The following UVRAG variants were observed in gnomAD, a reference collection of about 807,000 sequenced individuals.
The protein encoded by UVRAG is UV radiation resistance-associated gene protein.
UVRAG carries 19 observed loss-of-function variants against 78.0 expected under a neutral mutation model. The observed-to-expected ratio is 0.24, with a 90% CI of 0.17 to 0.36. The LOEUF (loss-of-function observed/expected upper bound fraction) is 0.36, where lower values mean the gene tolerates loss of function less well. Among genes scored for constraint, UVRAG ranks in the 10% least tolerant of loss-of-function variants. The probability of loss-of-function intolerance (pLI) is 1.00; values close to 1 mark genes in which losing one functional copy is unlikely to be tolerated. For synonymous variants in UVRAG, 323 were observed against 324.6 expected, an observed-to-expected ratio of 1.00 and a Z score of 0.05; for missense variants, 740 against 853.8, an observed-to-expected ratio of 0.87 and a Z score of 1.66.
intron 13 of UVRAG, among the ~76,000 whole-genome samples, chr11:76,112,730 CTTT>C (rs10686022): frequency 1.4e-5 from 2 of 139,390 alleles, no homozygotes; most frequent in African/African-American, 2.8e-5. Flanking sequence ...TTTTTCTTTT[CTTT>C]TTTTTTTTTT....
intron 5 of UVRAG, chr11:75,892,527 C>A: frequency 1.9e-6 from 1 of 540,058 alleles, no homozygotes; most frequent in Non-Finnish European, 2.4e-6. Context: ...AGGAAGTTGG[C>A]ACAGAGAACT....
intron 8 of UVRAG, among the ~76,000 whole-genome samples, chr11:75,989,210 A>G (rs932229628): frequency 6.6e-5 from 10 of 152,004 alleles, no homozygotes; most frequent in Non-Finnish European, 5.9e-5. Flanking sequence ...GTGTACCACC[A>G]CGCCTGGGTA....
chr11:75,995,179 GTT>G (rs576218071), intron 8 of UVRAG, among the ~76,000 whole-genome samples: 2 of 140,722 alleles, frequency 1.4e-5, no homozygotes. Context: ...TTTTATAAAA[GTT>G]TTTTTTTTTT....
At chr11:76,094,374 A>T (rs909797917) in intron 13 of UVRAG, among the ~76,000 whole-genome samples, 3 of 152,206 alleles carry the variant, frequency 2.0e-5, no homozygotes, top group Non-Finnish European at 4.4e-5. Flanking sequence ...TGGCCTCATA[A>T]AATGAGTTAG....
At chr11:75,969,070 G>C (rs570814984) in intron 7 of UVRAG, among the ~76,000 whole-genome samples, 13 of 152,206 alleles carry the variant, frequency 8.5e-5, no homozygotes, top group African/African-American at 3.1e-4. Context: ...AGAATGTCAT[G>C]CAACCATTAT....
chr11:76,051,730 A>T (rs1950872982), intron 12 of UVRAG, among the ~76,000 whole-genome samples: 1 of 152,106 alleles, frequency 6.6e-6, no homozygotes, highest in Admixed American at 6.5e-5. Flanking sequence ...TTTCTCCTTT[A>T]AAAACTTTGG....
At chr11:76,111,338 G>A (rs778965906) in intron 13 of UVRAG, among the ~76,000 whole-genome samples, 47 of 152,166 alleles carry the variant, frequency 3.1e-4, no homozygotes, top group Non-Finnish European at 6.2e-4. Context: ...TGAAGTTTAG[G>A]GATAATATAT....
intron 1 of UVRAG, among the ~76,000 whole-genome samples, chr11:75,838,053 A>T (rs562671185): frequency 2.0e-5 from 3 of 152,294 alleles, no homozygotes; most frequent in African/African-American, 7.2e-5. Flanking sequence ...AAAAGCCACA[A>T]ATGCTAAACA....
chr11:75,816,201 A>C (rs1945260319), intron 1 of UVRAG, among the ~76,000 whole-genome samples: 1 of 152,076 alleles, frequency 6.6e-6, no homozygotes, highest in African/African-American at 2.4e-5. Context: ...GTATATATTC[A>C]TGTGTTCCTC....
intron 5 of UVRAG, among the ~76,000 whole-genome samples, chr11:75,897,921 G>T (rs1472733336): frequency 2.5e-4 from 34 of 135,492 alleles, no homozygotes; most frequent in Admixed American, 2.4e-3. Flanking sequence ...CCAGGCTGGA[G>T]TGCAGTGGCG....
In UVRAG at chr11:76,111,115, G is replaced by A. The variant is rs143285335; in HGVS notation, c.1306-4809G>A. ...GCAGTCTACCCGCCTGAATATGTTT[G>A]TTTAAGTCACTTCTCTACTAAAATG... is the stretch of plus-strand genomic sequence containing the variant. On this transcript the variant is annotated intron_variant, in intron 13 of 14. Transcript: ENST00000356136. 5.5e-3 allele frequency among the ~76,000 whole-genome samples: 839 copies of A among 152,124 alleles called. 8 individuals carry two copies. Among genetic ancestry groups the A allele is most frequent in the African/African-American group, 0.019 (780 of 41,484 alleles).
At chr11:76,089,211 G>T (rs1951649907) in intron 13 of UVRAG, among the ~76,000 whole-genome samples, 1 of 152,142 alleles carries the variant, frequency 6.6e-6, no homozygotes, top group Admixed American at 6.6e-5. Context: ...GAAGTGGGGT[G>T]AGATTAAGGA....
intron 5 of UVRAG, among the ~76,000 whole-genome samples, chr11:75,908,977 G>A (rs1947678728): frequency 6.6e-6 from 1 of 151,918 alleles, no homozygotes; most frequent in African/African-American, 2.4e-5. Flanking sequence ...TGTAAGATTG[G>A]TAATAACGTT....
chr11:76,129,104 C>T (rs1431058094), intron 14 of UVRAG, among the ~76,000 whole-genome samples: 1 of 152,176 alleles, frequency 6.6e-6, no homozygotes, highest in African/African-American at 2.4e-5. Context: ...TAACCTCTCC[C>T]ATCTTAGAAA....
At chr11:76,019,862 G>C (rs1010952773) in intron 12 of UVRAG, among the ~76,000 whole-genome samples, 2 of 152,168 alleles carry the variant, frequency 1.3e-5, no homozygotes, top group African/African-American at 2.4e-5. Flanking sequence ...AAGACCCTGT[G>C]GCTCTACAAT....
Position 75,954,853 on chromosome 11 carries a change from G to A in UVRAG, c.594-6591G>A, listed in dbSNP as rs946194746. The stretch of plus-strand genomic sequence containing the variant: ...ATGAAGTAGCAGATTTCCAGAGGAA[G>A]GAGCACCTCTACCTGTCCGTAATAG... On this transcript the variant is annotated intron_variant, in intron 6 of 14. Coordinates refer to ENST00000356136, the MANE Select transcript of UVRAG (RefSeq NM_003369.4). 2.0e-5 allele frequency among the ~76,000 whole-genome samples: 3 copies of A among 152,300 alleles called. No individual in the cohort carries two copies. The Middle Eastern group carries it at 0.01, about 518-fold the overall frequency.
intron 14 of UVRAG, among the ~76,000 whole-genome samples, chr11:76,138,792 G>T (rs532092315): frequency 6.6e-6 from 1 of 152,316 alleles, no homozygotes; most frequent in African/African-American, 2.4e-5. Flanking sequence ...TGAAAGCTTG[G>T]CTTTTCTGCA....
At chr11:76,091,909 T>C (rs1489530011) in intron 13 of UVRAG, among the ~76,000 whole-genome samples, 2 of 152,132 alleles carry the variant, frequency 1.3e-5, no homozygotes, top group Non-Finnish European at 2.9e-5. Context: ...TATGTATACA[T>C]GTGCCTTGTT....
intron 2 of UVRAG, among the ~76,000 whole-genome samples, chr11:75,859,508 TAAACAA>T (rs540939646): frequency 6.9e-4 from 105 of 151,988 alleles, no homozygotes; most frequent in African/African-American, 2.2e-3. Flanking sequence ...CAATAAAACT[TAAACAA>T]TAACAATAAA....
Sources: allele counts gnomAD v4.1 joint callset (sites outside exome capture counted in the v4.1 genomes callset), GRCh38; gene constraint gnomAD v4.1.1; transcripts MANE v1.5; gene names NCBI Gene and HGNC (gene_info 2026-07-23, HGNC 2026-07-21).